UHRF2: variants seen among roughly 807,000 people sequenced by gnomAD.
UHRF2 encodes ubiquitin like with PHD and ring finger domains 2.
UHRF2 carries 23 observed loss-of-function variants against 96.8 expected under a neutral mutation model. The observed-to-expected ratio is 0.24, with a 90% CI of 0.17 to 0.34. UHRF2 has a LOEUF of 0.34. Ranked by LOEUF, UHRF2 falls within the 10% of genes least tolerant of loss-of-function variation. The pLI is 1.00. For synonymous variants in UHRF2, 385 were observed against 332.6 expected (o/e 1.16, Z -1.72); for missense variants, 685 against 981.5 (o/e 0.70, Z 4.04).
chr9:6,430,902 G>A (rs1820530512), intron 2 of UHRF2, among the ~76,000 whole-genome samples: 1 of 152,102 alleles, frequency 6.6e-6, no homozygotes, highest in African/African-American at 2.4e-5. Context: ...TTGTCACTTA[G>A]TTACATCAAT....
At chr9:6,455,030 TG>T (rs1404068276) in intron 3 of UHRF2, among the ~76,000 whole-genome samples, 1 of 152,242 alleles carries the variant, frequency 6.6e-6, no homozygotes, top group African/African-American at 2.4e-5. Flanking sequence ...TGTAGTAGCC[TG>T]GCCTACCTTT....
intron 3 of UHRF2, among the ~76,000 whole-genome samples, chr9:6,444,124 G>T (rs1454086511): frequency 1.3e-5 from 2 of 152,184 alleles, no homozygotes; most frequent in African/African-American, 4.8e-5. Context: ...AGGTTTTGAT[G>T]GGAGAGAGAG....
At chr9:6,492,348 C>T (rs1168865619) in intron 9 of UHRF2, 15 of 1,224,942 alleles carry the variant, frequency 1.2e-5, no homozygotes, top group Non-Finnish European at 1.6e-5. Flanking sequence ...GTCCAGATAC[C>T]GGGTGGAAGA....
intron 12 of UHRF2, chr9:6,499,542 T>A (rs569076845): frequency 1.1e-5 from 2 of 187,148 alleles, no homozygotes; most frequent in African/African-American, 4.7e-5. Context: ...CCTTAAACTT[T>A]AAGGAAATCT....
At chr9:6,487,171 A>ATTTTTTATTTTTTATTTTTTAT (rs1824337943) in intron 9 of UHRF2, among the ~76,000 whole-genome samples, 2 of 83,832 alleles carry the variant, frequency 2.4e-5, no homozygotes, top group African/African-American at 9.5e-5. Flanking sequence ...TAGAGCTTTT[A>ATTTTTTATTTTTTATTTTTTAT]TTTTTTTTTC....
chr9:6,421,709 G>T (rs989176508), intron 2 of UHRF2, among the ~76,000 whole-genome samples: 27 of 152,076 alleles, frequency 1.8e-4, no homozygotes, highest in African/African-American at 6.3e-4. Context: ...GAGCCACCTC[G>T]CCCAGCCTTA....
intron 2 of UHRF2, among the ~76,000 whole-genome samples, chr9:6,429,569 G>A (rs985609626): frequency 1.5e-4 from 23 of 152,176 alleles, no homozygotes; most frequent in Admixed American, 7.9e-4. Context: ...GACCTCAGGT[G>A]CTCCACCTGC....
chr9:6,488,690 T>C (rs1824467482), intron 9 of UHRF2, among the ~76,000 whole-genome samples: 1 of 151,692 alleles, frequency 6.6e-6, no homozygotes, highest in African/African-American at 2.4e-5. Flanking sequence ...TTACTAGAGA[T>C]GGGGTTTCTC....
intron 2 of UHRF2, among the ~76,000 whole-genome samples, chr9:6,422,241 C>A (rs1693206217): frequency 6.6e-6 from 1 of 152,174 alleles, no homozygotes; most frequent in African/African-American, 2.4e-5. Context: ...ACCACCATGC[C>A]TGGCTAATTT....
intron 15 of UHRF2, among the ~76,000 whole-genome samples, chr9:6,504,934 T>C (rs1816505957): frequency 6.6e-6 from 1 of 152,162 alleles, no homozygotes; most frequent in South Asian, 2.1e-4. Flanking sequence ...GGGGCTGAAA[T>C]GGGAAAGAAG....
rs2130986181 is a variant in UHRF2, at chr9:6,507,008, T to G, written c.*829T>G. 1 of 152,590 alleles carries G rather than the reference T, an allele frequency of 6.6e-6. No individual in the cohort carries two copies. The highest frequency in any genetic ancestry group is 2.4e-5 in the African/African-American group (1 of 41,566). The allele number at this position is 152,590 out of a possible 1,614,324, so 9.5% of individuals were successfully genotyped here. ...TTGTGATCCTAAATTTTATATTCAC[T>G]ATATTCCCTAAAGTATACCTTAATA... On this transcript the variant is annotated 3_prime_UTR_variant, in exon 16 of 16. Transcript: ENST00000276893.
At chr9:6,505,067 T>C (rs1315706964) in intron 15 of UHRF2, among the ~76,000 whole-genome samples, 1 of 152,170 alleles carries the variant, frequency 6.6e-6, no homozygotes, top group African/African-American at 2.4e-5. Flanking sequence ...CCCAGATGAA[T>C]TGAATATTGT....
chr9:6,434,107 C>T lies in UHRF2; in HGVS notation c.578C>T (p.Pro193Leu). Residue 193 changes from proline (P) to leucine (L), a missense_variant, in exon 3 of 16, where the codon CCC becomes CTC. Physicochemically the swap from Pro to Leu is moderately conservative, Grantham distance 98. Coordinates refer to ENST00000276893, the MANE Select transcript of UHRF2 (RefSeq NM_152896.3). ...KENTNKLDSVPSTSNSDCVAA... is the reference protein window; with the variant it reads ...KENTNKLDSVLSTSNSDCVAA... ...AACACAAATAAATTGGACAGTGTAC[C>T]CTCTACGTCTAATTCAGACTGTGTT... 6.2e-7 allele frequency: 1 copy of T among 1,613,960 alleles called. No individual in the cohort carries two copies. The highest frequency in any genetic ancestry group is 8.5e-7 in the Non-Finnish European group (1 of 1,179,976).
intron 3 of UHRF2, among the ~76,000 whole-genome samples, chr9:6,452,209 G>C (rs1032114209): frequency 6.6e-6 from 1 of 151,972 alleles, no homozygotes; most frequent in African/African-American, 2.4e-5. Context: ...TGTTATGGAC[G>C]TTTGATTGTT....
rs1224586980 is a variant in UHRF2, at chr9:6,506,293, T to C, written c.*114T>C. On this transcript the variant is annotated 3_prime_UTR_variant, in exon 16 of 16. Transcript: ENST00000276893. ...TGTATCTCTCACGTTCTGAAGCAGC[T>C]AATCCTCTTTCCCACATAGCCATCA... The C allele has an allele frequency of 8.1e-6, 11 of 1,364,482 alleles. No homozygotes were observed. The highest frequency in any genetic ancestry group is 1.0e-5 in the Non-Finnish European group (10 of 1,004,140). 84.5% of individuals were successfully genotyped at this position (1,364,482 alleles called of 1,614,324 possible).
At chr9:6,490,235 G>A (rs150522674) in intron 9 of UHRF2, among the ~76,000 whole-genome samples, 68 of 152,306 alleles carry the variant, frequency 4.5e-4, no homozygotes, top group African/African-American at 1.6e-3. Context: ...AGAAGAAATA[G>A]TATTTTATGT....
Position 6,497,225 on chromosome 9 carries a change from A to G in UHRF2, c.1632A>G (p.Pro544=). ...NRALALNCDA[P]LDDKIGAESR... is the part of the protein sequence containing the mutation. The stretch of plus-strand genomic sequence containing the variant: ...CATTGGCCCTAAACTGTGATGCTCC[A>G]TTGGATGATAAAATTGGAGCAGAGT... The change falls in exon 11 of 16, where the codon CCA becomes CCG. Residue 544 remains proline (P), a synonymous_variant. Transcript: ENST00000276893. The G allele has an allele frequency of 6.2e-7, 1 of 1,613,978 alleles. No individual in the cohort carries two copies. Among genetic ancestry groups the G allele is most frequent in the Non-Finnish European group, 8.5e-7 (1 of 1,179,912 alleles).
chr9:6,435,837 G>A (rs1021585458), intron 3 of UHRF2, among the ~76,000 whole-genome samples: 1 of 152,090 alleles, frequency 6.6e-6, no homozygotes, highest in Non-Finnish European at 1.5e-5. Flanking sequence ...TCGAACTCCT[G>A]ACCTCAAGTG....
chr9:6,432,110 A>G (rs976259075), intron 2 of UHRF2, among the ~76,000 whole-genome samples: 5 of 152,318 alleles, frequency 3.3e-5, no homozygotes, highest in African/African-American at 1.2e-4. Context: ...TAATACATGA[A>G]TTAATTTATG....
Sources: gnomAD v4.1 joint callset for allele counts (sites outside exome capture counted in the v4.1 genomes callset) on GRCh38, gnomAD v4.1.1 for gene constraint, MANE v1.5 for transcripts, NCBI Gene and HGNC (gene_info 2026-07-23, HGNC 2026-07-21) for gene names.